The following SLC24A2 variants were observed in gnomAD, a reference collection of about 807,000 sequenced individuals.
SLC24A2 encodes the protein solute carrier family 24 member 2, also known as sodium/potassium/calcium exchanger 2.
In SLC24A2, 36 loss-of-function variants were observed where a neutral mutation model predicts 62.0. The ratio of observed to expected loss-of-function variants is 0.58; its 90% CI spans 0.44 to 0.77. SLC24A2 has a LOEUF of 0.77. Ranked by LOEUF, SLC24A2 falls within the 30% of genes least tolerant of loss-of-function variation. The probability of loss-of-function intolerance (pLI) is 0.00; values close to 1 mark genes in which losing one functional copy is unlikely to be tolerated. For synonymous variants in SLC24A2, 358 were observed against 294.0 expected, an observed-to-expected ratio of 1.22 and a Z score of -2.23; for missense variants, 846 against 817.9, an observed-to-expected ratio of 1.03 and a Z score of -0.42.
intron 2 of SLC24A2, among the ~76,000 whole-genome samples, chr9:19,782,033 C>A (rs1396560245): frequency 6.6e-6 from 1 of 152,194 alleles, no homozygotes; most frequent in African/African-American, 2.4e-5. Flanking sequence ...ACCTAAATTA[C>A]TAAGTAGTCT....
the SLC24A2 span, among the ~76,000 whole-genome samples, chr9:20,036,020 G>A: frequency 6.6e-6 from 1 of 152,250 alleles, no homozygotes; most frequent in East Asian, 1.9e-4. Context: ...TAATTGGAAA[G>A]GAGAGAGAAA....
chr9:20,171,570 T>G, the SLC24A2 span, among the ~76,000 whole-genome samples: 1 of 152,076 alleles, frequency 6.6e-6, no homozygotes, highest in East Asian at 2.0e-4. Flanking sequence ...GTAGCTATTC[T>G]TATATCAGAC....
At chr9:19,979,056 G>A in the SLC24A2 span, among the ~76,000 whole-genome samples, 1 of 152,282 alleles carries the variant, frequency 6.6e-6, no homozygotes, top group East Asian at 1.9e-4. Context: ...CTACAGGTAG[G>A]TGTGTGAAGA....
At chr9:19,853,558 G>C in the SLC24A2 span, among the ~76,000 whole-genome samples, 1 of 152,194 alleles carries the variant, frequency 6.6e-6, no homozygotes, top group Non-Finnish European at 1.5e-5. Flanking sequence ...TGCATCTATT[G>C]AGATAATCAT....
intron 9 of SLC24A2, among the ~76,000 whole-genome samples, chr9:19,523,546 T>A (rs1379380402): frequency 6.6e-6 from 1 of 151,846 alleles, no homozygotes; most frequent in Non-Finnish European, 1.5e-5. Flanking sequence ...CACTGAAACA[T>A]TTGCTTCCTG....
chr9:19,557,493 T>G (rs1358432615), intron 7 of SLC24A2, among the ~76,000 whole-genome samples: 1 of 152,228 alleles, frequency 6.6e-6, no homozygotes, highest in African/African-American at 2.4e-5. Context: ...TGTTTACTCA[T>G]GTCTCCAGAA....
At chr9:20,070,304 G>A in the SLC24A2 span, among the ~76,000 whole-genome samples, 3 of 152,128 alleles carry the variant, frequency 2.0e-5, no homozygotes, top group Non-Finnish European at 2.9e-5. Flanking sequence ...TAAATGTCTC[G>A]ATTTTGCTCT....
the SLC24A2 span, among the ~76,000 whole-genome samples, chr9:20,182,413 A>G: frequency 3.9e-5 from 6 of 152,252 alleles, no homozygotes; most frequent in Non-Finnish European, 7.3e-5. Context: ...AGACTGGATA[A>G]AGAAAATGTG....
intron 7 of SLC24A2, among the ~76,000 whole-genome samples, chr9:19,557,775 C>T (rs956630031): frequency 2.6e-5 from 4 of 151,450 alleles, no homozygotes; most frequent in African/African-American, 4.9e-5. Flanking sequence ...TTTTCTTGAG[C>T]CTAAAACTAA....
chr9:19,610,853 T>C (rs980987517), intron 4 of SLC24A2, among the ~76,000 whole-genome samples: 3 of 152,244 alleles, frequency 2.0e-5, no homozygotes, highest in Non-Finnish European at 2.9e-5. Context: ...TAAAGGCAAG[T>C]ACTCATTCAA....
At chr9:20,186,753 A>G in the SLC24A2 span, among the ~76,000 whole-genome samples, 3 of 152,222 alleles carry the variant, frequency 2.0e-5, no homozygotes, top group Non-Finnish European at 4.4e-5. Context: ...AAATGTTATG[A>G]TATATTTTAA....
intron 2 of SLC24A2, among the ~76,000 whole-genome samples, chr9:19,708,703 A>G (rs1587193450): frequency 6.6e-6 from 1 of 152,232 alleles, no homozygotes; most frequent in Non-Finnish European, 1.5e-5. Context: ...GGCTAGCCAT[A>G]TGGAGAAAGC....
the SLC24A2 span, among the ~76,000 whole-genome samples, chr9:20,144,499 C>T: frequency 6.6e-6 from 1 of 152,130 alleles, no homozygotes; most frequent in African/African-American, 2.4e-5. Flanking sequence ...TCCCGTAAAG[C>T]CTCTCGGCAC....
the SLC24A2 span, among the ~76,000 whole-genome samples, chr9:20,140,268 C>G: frequency 6.6e-6 from 1 of 152,090 alleles, no homozygotes; most frequent in East Asian, 1.9e-4. Flanking sequence ...GGGAGGGAGG[C>G]AGATCTGTAC....
At chr9:19,972,936 T>G in the SLC24A2 span, among the ~76,000 whole-genome samples, 1 of 152,150 alleles carries the variant, frequency 6.6e-6, no homozygotes, top group Non-Finnish European at 1.5e-5. Flanking sequence ...CACTTGCCTG[T>G]TTAAATAACG....
chr9:20,072,261 G>A, the SLC24A2 span, among the ~76,000 whole-genome samples: 1 of 152,118 alleles, frequency 6.6e-6, no homozygotes, highest in Non-Finnish European at 1.5e-5. Flanking sequence ...GTCTCTCTGT[G>A]CAACATTCCT....
At chr9:19,704,798 C>CT (rs35780199) in intron 2 of SLC24A2, among the ~76,000 whole-genome samples, 3,347 of 135,708 alleles carry the variant, frequency 0.025, 103 homozygotes, top group East Asian at 0.13. Context: ...AAAAACCAAA[C>CT]TTTTTTTTTT....
At chr9:20,011,419 T>C in the SLC24A2 span, among the ~76,000 whole-genome samples, 4 of 152,188 alleles carry the variant, frequency 2.6e-5, no homozygotes, top group African/African-American at 7.2e-5. Context: ...TTTTGAGAAG[T>C]GTCTCAAAAG....
At position 19,514,115 on chromosome 9, in the gene SLC24A2, C is replaced by T. The variant is rs1297249589; in HGVS notation, c.*2038G>A. On this transcript the variant is annotated 3_prime_UTR_variant, in exon 11 of 11. Transcript: ENST00000341998. ...CCCAGGGGGCCTCGGGTTTGAAGTG[C>T]TTTTTACTTCTGGGTGAAGAGGAAT... 6.6e-6 allele frequency: 1 copy of T among 152,144 alleles called. No individual in the cohort carries two copies. The highest frequency in any genetic ancestry group is 2.4e-5 in the African/African-American group (1 of 41,412). 9.4% of individuals were successfully genotyped at this position (152,144 alleles called of 1,614,324 possible). A position where few individuals can be genotyped will look rare whatever the true frequency, so the allele number is the denominator to read the frequency against.
Sources: allele counts gnomAD v4.1 joint callset (sites outside exome capture counted in the v4.1 genomes callset), GRCh38; gene constraint gnomAD v4.1.1; transcripts MANE v1.5; gene names NCBI Gene and HGNC (gene_info 2026-07-23, HGNC 2026-07-21).